Variants in GRAMD2A observed in about 807,000 individuals in gnomAD.
GRAMD2A encodes GRAM domain-containing protein 2A.
Under a neutral mutation model 51.1 loss-of-function variants are expected in GRAMD2A, and 37 were observed. The observed-to-expected ratio is 0.72, with a 90% CI of 0.56 to 0.95. GRAMD2A has a LOEUF of 0.95. Among genes scored for constraint, GRAMD2A ranks in the 40% least tolerant of loss-of-function variants. The pLI is 0.00. For synonymous variants in GRAMD2A, 136 were observed against 157.1 expected (o/e 0.87, Z 1.01); for missense variants, 414 against 426.9 (o/e 0.97, Z 0.27).
chr15:72,178,854 G>GCT (rs2081676091), intron 1 of GRAMD2A, among the ~76,000 whole-genome samples: 1 of 151,966 alleles, frequency 6.6e-6, no homozygotes, highest in South Asian at 2.1e-4. Flanking sequence ...GATTACAGTT[G>GCT]TGAGCCACCC....
intron 8 of GRAMD2A, among the ~76,000 whole-genome samples, chr15:72,164,937 G>A (rs1398807072): frequency 6.6e-6 from 1 of 152,166 alleles, no homozygotes; most frequent in Non-Finnish European, 1.5e-5. Flanking sequence ...CCATGAATTC[G>A]AGATCAGCTT....
intron 1 of GRAMD2A, among the ~76,000 whole-genome samples, chr15:72,175,496 A>G (rs2081646222): frequency 6.6e-6 from 1 of 152,072 alleles, no homozygotes; most frequent in Non-Finnish European, 1.5e-5. Context: ...CTTCACTTCT[A>G]TGCCACAGCA....
At position 72,166,804 on chromosome 15, in the gene GRAMD2A, C is replaced by T; in HGVS notation, c.472-101G>A. The T allele has an allele frequency of 9.0e-7, 1 of 1,106,912 alleles. No individual in the cohort carries two copies. Among genetic ancestry groups the T allele is most frequent in the Non-Finnish European group, 1.4e-6 (1 of 731,584 alleles). The allele number at this position is 1,106,912 out of a possible 1,614,324, so 68.6% of individuals were successfully genotyped here. ...ATTGGGCACAGGCCCACAGGGGTAT[C>T]AGGCCATGAGAGCCAACAGAAGCTC... On this transcript the variant is annotated intron_variant, in intron 6 of 11. Transcript: ENST00000309731. The surrounding 1 kb of genome is among the most constrained non-coding windows in gnomAD (Gnocchi z 4.1).
intron 1 of GRAMD2A, among the ~76,000 whole-genome samples, chr15:72,177,206 T>C (rs1366713552): frequency 2.0e-5 from 3 of 152,050 alleles, no homozygotes; most frequent in African/African-American, 4.8e-5. Flanking sequence ...GAGCTCTGTC[T>C]CAAACCAGTT....
rs79848896 is a variant in GRAMD2A, at chr15:72,162,622, G to C, written c.957-245C>G. 24 of 395,102 alleles carry C rather than the reference G, an allele frequency of 6.1e-5. No homozygotes were observed. The South Asian group carries it at 6.6e-4, about 11-fold the overall frequency. The allele number at this position is 395,102 out of a possible 1,614,324, so 24.5% of individuals were successfully genotyped here. A position where few individuals can be genotyped will look rare whatever the true frequency, so the allele number is the denominator to read the frequency against. ...GCTCTGGGCCCTTCAGCTGAGCTCTGGGGGGAGCTCTGGCCAGACAGCCAG... is the reference window on the plus strand; with the variant it reads ...GCTCTGGGCCCTTCAGCTGAGCTCTCGGGGGAGCTCTGGCCAGACAGCCAG... On this transcript the variant is annotated intron_variant, in intron 10 of 11. Coordinates refer to ENST00000309731, the MANE Select transcript of GRAMD2A (RefSeq NM_001012642.3).
intron 10 of GRAMD2A, 147 bp from the exon 11 acceptor site, chr15:72,162,524 A>G (rs1471376182): frequency 3.3e-6 from 2 of 611,306 alleles, no homozygotes; most frequent in Non-Finnish European, 5.8e-6. Context: ...AGGCCTCAGC[A>G]TCTTTCTTCC....
chr15:72,191,415 C>A (rs963423366), intron 1 of GRAMD2A, among the ~76,000 whole-genome samples: 1 of 152,146 alleles, frequency 6.6e-6, no homozygotes, highest in Non-Finnish European at 1.5e-5. Context: ...GTTGGCCAGG[C>A]TGGTCTCAAA....
intron 1 of GRAMD2A, among the ~76,000 whole-genome samples, chr15:72,194,401 A>C (rs984727691): frequency 6.6e-6 from 1 of 152,168 alleles, no homozygotes; most frequent in African/African-American, 2.4e-5. Context: ...ACGGGGAATA[A>C]GTTTTATTTT....
At chr15:72,182,768 T>A (rs1310475360) in intron 1 of GRAMD2A, among the ~76,000 whole-genome samples, 1 of 152,148 alleles carries the variant, frequency 6.6e-6, no homozygotes, top group Non-Finnish European at 1.5e-5. Context: ...CAAAGTAGAA[T>A]GGTGGTTGCC....
At chr15:72,163,978 A>G (rs2081512038) in intron 8 of GRAMD2A, 2 of 500,336 alleles carry the variant, frequency 4.0e-6, no homozygotes, top group Non-Finnish European at 7.0e-6. Flanking sequence ...CCAGCAAACG[A>G]TGTCTTTGAA....
At chr15:72,165,489 C>G in intron 7 of GRAMD2A, 79 bp from the exon 8 acceptor site, 1 of 1,388,746 alleles carries the variant, frequency 7.2e-7, no homozygotes, top group Non-Finnish European at 1.0e-6. Context: ...CAGCCCTCTC[C>G]AAGAGAGCTT....
At chr15:72,188,663 C>A (rs1171162173) in intron 1 of GRAMD2A, among the ~76,000 whole-genome samples, 1 of 151,918 alleles carries the variant, frequency 6.6e-6, no homozygotes, top group East Asian at 1.9e-4. Flanking sequence ...TTATACTTTT[C>A]TGTATTTTTG....
rs1227564766 is a variant in GRAMD2A at position 72,163,700 on chromosome 15, A to G, written c.658T>C (p.Ser220Pro). 6.2e-7 allele frequency: 1 copy of G among 1,609,686 alleles called. No homozygotes were observed. The highest frequency in any genetic ancestry group is 1.1e-5 in the South Asian group (1 of 90,052). ...RKVCPSSRSLSLPDNIPCIPP... is the reference protein window; with the variant it reads ...RKVCPSSRSLPLPDNIPCIPP... Reference sequence around the variant, plus strand: ...ATACAAGGGATGTTGTCTGGGAGAGACAGGGACCTGGAGGAAGGGCATACC... The same window carrying G: ...ATACAAGGGATGTTGTCTGGGAGAGGCAGGGACCTGGAGGAAGGGCATACC... Residue 220 changes from serine (S) to proline (P), a missense_variant, in exon 9 of 12, where the codon TCT becomes CCT. Physicochemically the swap from Ser to Pro is moderately conservative, Grantham distance 74. Coordinates refer to ENST00000309731, the MANE Select transcript of GRAMD2A (RefSeq NM_001012642.3).
chr15:72,196,383 G>A (rs1345333618), intron 1 of GRAMD2A, among the ~76,000 whole-genome samples: 1 of 151,972 alleles, frequency 6.6e-6, no homozygotes, highest in Non-Finnish European at 1.5e-5. Flanking sequence ...GGGCGTGGTG[G>A]TGGGCACCTG....
intron 1 of GRAMD2A, among the ~76,000 whole-genome samples, chr15:72,193,023 G>A (rs1178776747): frequency 1.3e-5 from 2 of 152,024 alleles, no homozygotes; most frequent in Non-Finnish European, 2.9e-5. Context: ...CTACTCGGAA[G>A]GCTGAGGCAG....
chr15:72,179,331 C>G (rs1349281577), intron 1 of GRAMD2A, among the ~76,000 whole-genome samples: 1 of 152,220 alleles, frequency 6.6e-6, no homozygotes, highest in Non-Finnish European at 1.5e-5. Context: ...GATGAGCCGG[C>G]CTGTCAGATT....
intron 8 of GRAMD2A, 75 bp downstream of exon 8, chr15:72,165,279 C>T: frequency 2.9e-6 from 4 of 1,383,352 alleles, no homozygotes; most frequent in Non-Finnish European, 2.1e-6. Flanking sequence ...TGTGGGCCCC[C>T]CTAGGAGGCC....
Position 72,161,923 on chromosome 15 carries a change from G to A in GRAMD2A, c.*86C>T. On this transcript the variant is annotated 3_prime_UTR_variant, in exon 12 of 12. Coordinates refer to ENST00000309731, the MANE Select transcript of GRAMD2A (RefSeq NM_001012642.3). ...CATAGGCAGTCTTAGCACAGCAGCA[G>A]CATAAACCACAGGGATCATTGGTGG... 7.1e-7 allele frequency: 1 copy of A among 1,412,424 alleles called. No homozygotes were observed. 87.5% of individuals were successfully genotyped at this position (1,412,424 alleles called of 1,614,324 possible).
At chr15:72,180,149 C>T (rs1231142364) in intron 1 of GRAMD2A, among the ~76,000 whole-genome samples, 3 of 152,230 alleles carry the variant, frequency 2.0e-5, no homozygotes, top group Admixed American at 6.5e-5. Context: ...CAGGGACAAA[C>T]AGCTAAAACC....
Sources: gnomAD v4.1 joint callset for allele counts (sites outside exome capture counted in the v4.1 genomes callset) on GRCh38, gnomAD v4.1.1 for gene constraint, Gnocchi (gnomAD v3.1) non-coding constraint, MANE v1.5 for transcripts, NCBI Gene and HGNC (gene_info 2026-07-23, HGNC 2026-07-21) for gene names.